The following TASP1 variants were observed in gnomAD, a reference collection of about 807,000 sequenced individuals.
TASP1 encodes the protein threonine aspartase 1.
Under a neutral mutation model 56.6 loss-of-function variants are expected in TASP1, and 16 were observed. The observed-to-expected ratio is 0.28, with a 90% CI of 0.19 to 0.43. TASP1 has a LOEUF of 0.43. TASP1 is among the 20% of genes least tolerant of loss of function. TASP1 has a pLI of 1.00. For synonymous variants in TASP1, 179 were observed against 184.2 expected (o/e 0.97, Z 0.23); for missense variants, 393 against 511.6 (o/e 0.77, Z 2.24).
the TASP1 span, chr20:13,279,650 T>G: frequency 2.5e-6 from 4 of 1,613,660 alleles, no homozygotes; most frequent in Admixed American, 3.3e-5. Context: ...ATAGAGGTGG[T>G]CGACGGTCCT....
chr20:13,136,247 T>A, the TASP1 span, among the ~76,000 whole-genome samples: 1 of 152,124 alleles, frequency 6.6e-6, no homozygotes, highest in South Asian at 2.1e-4. Context: ...AAAATTAAGA[T>A]GGAATAATGA....
the TASP1 span, among the ~76,000 whole-genome samples, chr20:13,124,313 G>A: frequency 6.6e-6 from 1 of 151,934 alleles, no homozygotes; most frequent in South Asian, 2.1e-4. Flanking sequence ...GATGGAAGGG[G>A]GGAGGGGGAG....
the TASP1 span, among the ~76,000 whole-genome samples, chr20:13,219,477 C>CA: frequency 1.3e-5 from 2 of 150,910 alleles, no homozygotes; most frequent in Non-Finnish European, 2.9e-5. Flanking sequence ...ACTCCAGTGA[C>CA]AATTATTGGC....
the TASP1 span, among the ~76,000 whole-genome samples, chr20:13,252,913 C>A: frequency 1.3e-5 from 2 of 152,210 alleles, no homozygotes; most frequent in African/African-American, 4.8e-5. Flanking sequence ...CTCTCTTAGG[C>A]CCACCTGGGG....
chr20:13,425,507 C>A (rs369445232), intron 12 of TASP1, among the ~76,000 whole-genome samples: 65 of 152,208 alleles, frequency 4.3e-4, no homozygotes, highest in African/African-American at 1.5e-3. Context: ...TGCACTGGCT[C>A]CCACACCCAC....
At chr20:13,408,389 G>C (rs2041994982) in intron 13 of TASP1, among the ~76,000 whole-genome samples, 1 of 152,066 alleles carries the variant, frequency 6.6e-6, no homozygotes, top group Admixed American at 6.6e-5. Context: ...AATACTGCTG[G>C]ATTTTTCATT....
chr20:13,161,626 G>A, the TASP1 span, among the ~76,000 whole-genome samples: 11 of 152,120 alleles, frequency 7.2e-5, no homozygotes, highest in African/African-American at 2.7e-4. Flanking sequence ...TCAAGAAGGA[G>A]GAGGGTCAAA....
At chr20:13,265,404 T>G in the TASP1 span, among the ~76,000 whole-genome samples, 1,826 of 152,322 alleles carry the variant, frequency 0.012, 38 homozygotes, top group African/African-American at 0.039. Context: ...TTCATGAGTA[T>G]CCTTATGGAT....
chr20:13,407,004 C>T (rs921424778), intron 13 of TASP1, among the ~76,000 whole-genome samples: 2 of 152,100 alleles, frequency 1.3e-5, no homozygotes, highest in Admixed American at 6.6e-5. Context: ...TTGAGATGAT[C>T]ATATGGAATC....
chr20:13,166,512 T>C, the TASP1 span: 1 of 152,228 alleles, frequency 6.6e-6, no homozygotes, highest in African/African-American at 2.4e-5. Flanking sequence ...TCCCATCCAA[T>C]GATTTTGATA....
intron 4 of TASP1, among the ~76,000 whole-genome samples, chr20:13,595,002 A>C (rs2047674941): frequency 6.6e-6 from 1 of 152,230 alleles, no homozygotes; most frequent in South Asian, 2.1e-4. Flanking sequence ...CACAAAGGGA[A>C]GCCCATCAGA....
the TASP1 span, among the ~76,000 whole-genome samples, chr20:13,367,187 T>C: frequency 1.6e-4 from 25 of 152,236 alleles, no homozygotes; most frequent in Admixed American, 8.5e-4. Context: ...GAGTAATAGA[T>C]TTTACACGCA....
At chr20:13,238,615 A>G in the TASP1 span, among the ~76,000 whole-genome samples, 3 of 152,226 alleles carry the variant, frequency 2.0e-5, no homozygotes, top group Admixed American at 6.5e-5. Flanking sequence ...TTTTATGCCT[A>G]TCAGAAAATG....
intron 7 of TASP1, among the ~76,000 whole-genome samples, chr20:13,568,484 T>C (rs1196001360): frequency 1.3e-5 from 2 of 152,206 alleles, no homozygotes; most frequent in African/African-American, 4.8e-5. Flanking sequence ...AACAGACATA[T>C]ACACAAACAT....
chr20:13,451,513 T>C (rs1039906632), intron 11 of TASP1, among the ~76,000 whole-genome samples: 7 of 152,120 alleles, frequency 4.6e-5, no homozygotes, highest in African/African-American at 1.7e-4. Flanking sequence ...TTGCTTCTTC[T>C]TGCATTTTTA....
chr20:13,565,772 G>A (rs1433659030), intron 7 of TASP1, among the ~76,000 whole-genome samples: 2 of 152,180 alleles, frequency 1.3e-5, no homozygotes, highest in East Asian at 3.9e-4. Context: ...CAGCCACTAT[G>A]GAAAACAGAC....
At chr20:13,265,363 T>C in the TASP1 span, among the ~76,000 whole-genome samples, 5 of 152,238 alleles carry the variant, frequency 3.3e-5, no homozygotes, top group Admixed American at 3.3e-4. Context: ...CTACCTCAAA[T>C]GGTAACAGTA....
At chr20:13,207,709 A>G in the TASP1 span, among the ~76,000 whole-genome samples, 2 of 152,278 alleles carry the variant, frequency 1.3e-5, no homozygotes, top group African/African-American at 4.8e-5. Flanking sequence ...GCTGATGCCT[A>G]CCTACATTGG....
At chr20:13,393,207 C>T in intron 13 of TASP1, 1 of 716,414 alleles carries the variant, frequency 1.4e-6, no homozygotes. Context: ...GACCACAGTC[C>T]ACGCTATCAC....
Sources: gnomAD v4.1 joint callset for allele counts (sites outside exome capture counted in the v4.1 genomes callset) on GRCh38, gnomAD v4.1.1 for gene constraint, MANE v1.5 for transcripts, NCBI Gene and HGNC (gene_info 2026-07-23, HGNC 2026-07-21) for gene names.